Variants in EFL1 observed in about 807,000 individuals in gnomAD.
EFL1 encodes the protein elongation factor-like GTPase 1.
EFL1 carries 76 observed loss-of-function variants against 126.7 expected under a neutral mutation model. The ratio of observed to expected loss-of-function variants is 0.60; its 90% CI spans 0.50 to 0.73. The LOEUF is 0.73. Among genes scored for constraint, EFL1 ranks in the 30% least tolerant of loss-of-function variants. EFL1 has a pLI of 0.00. For missense variants in EFL1, 1,128 were observed against 1,343.2 expected, an observed-to-expected ratio of 0.84 and a Z score of 2.50; for synonymous variants, 410 against 448.4, an observed-to-expected ratio of 0.91 and a Z score of 1.08.
chr15:82,141,407 C>A (rs1024063503), intron 18 of EFL1, among the ~76,000 whole-genome samples: 1 of 152,258 alleles, frequency 6.6e-6, no homozygotes, highest in East Asian at 1.9e-4. Flanking sequence ...CGGTGGCTCA[C>A]GCCTATAATC....
Position 82,213,251 on chromosome 15 carries a change from C to G in EFL1, c.1750+1466G>C, listed in dbSNP as rs544080865. Among the ~76,000 whole-genome samples the G allele has an allele frequency of 2.6e-5, 4 of 152,322 alleles. No individual in the cohort carries two copies. The East Asian group carries it at 7.7e-4, about 29-fold the overall frequency. On this transcript the variant is annotated intron_variant, in intron 15 of 19. Coordinates refer to ENST00000268206, the MANE Select transcript of EFL1 (RefSeq NM_024580.6). ...ATTTGGTAAACAAAGATTTAGTCAC[C>G]TTCATCCTTACCCCATGTTGTGCTA...
chr15:82,189,888 G>T (rs1055681777), intron 15 of EFL1, among the ~76,000 whole-genome samples: 9 of 152,178 alleles, frequency 5.9e-5, no homozygotes, highest in African/African-American at 2.2e-4. Flanking sequence ...GGCTGAGGTG[G>T]GCAGATCACC....
intron 15 of EFL1, among the ~76,000 whole-genome samples, chr15:82,182,969 A>T (rs1325001134): frequency 6.6e-6 from 1 of 152,178 alleles, no homozygotes; most frequent in Admixed American, 6.5e-5. Flanking sequence ...CCAGCATTGG[A>T]GCTGCTCTGG....
At chr15:82,222,236 G>A (rs1296998918) in intron 12 of EFL1, among the ~76,000 whole-genome samples, 3 of 152,070 alleles carry the variant, frequency 2.0e-5, no homozygotes, top group Admixed American at 6.5e-5. Context: ...AGTAGATATC[G>A]TATTCCTATT....
chr15:82,208,315 C>T (rs767642870), intron 15 of EFL1, among the ~76,000 whole-genome samples: 39 of 152,186 alleles, frequency 2.6e-4, no homozygotes, highest in Admixed American at 6.5e-5. Context: ...ATACACATTT[C>T]TCAAGAGCAG....
intron 17 of EFL1, among the ~76,000 whole-genome samples, chr15:82,156,621 T>G (rs1340399395): frequency 1.8e-5 from 2 of 112,790 alleles, no homozygotes; most frequent in Non-Finnish European, 3.3e-5. Context: ...GTACCAGGTG[T>G]TGTTGTATAG....
At chr15:82,249,076 AAC>A (rs774675857) in intron 4 of EFL1, among the ~76,000 whole-genome samples, 23 of 152,186 alleles carry the variant, frequency 1.5e-4, no homozygotes, top group South Asian at 2.1e-4. Flanking sequence ...ACTGGTGATG[AAC>A]TGAGAGTGAT....
At chr15:82,139,535 G>C (rs922984738) in intron 18 of EFL1, among the ~76,000 whole-genome samples, 1 of 152,118 alleles carries the variant, frequency 6.6e-6, no homozygotes, top group African/African-American at 2.4e-5. Flanking sequence ...ACTCAGGAGG[G>C]AAACATCTTC....
chr15:82,138,020 T>C (rs559494247), intron 19 of EFL1, among the ~76,000 whole-genome samples: 1 of 152,308 alleles, frequency 6.6e-6, no homozygotes, highest in East Asian at 1.9e-4. Flanking sequence ...CCCTCAGCAA[T>C]GTGGATCTGT....
chr15:82,236,315 T>G (rs1469317665), intron 7 of EFL1, among the ~76,000 whole-genome samples: 1 of 152,142 alleles, frequency 6.6e-6, no homozygotes, highest in African/African-American at 2.4e-5. Context: ...ATAGGTAAGA[T>G]TACTATAAAA....
At chr15:82,260,848 C>T (rs1276199117) in intron 2 of EFL1, among the ~76,000 whole-genome samples, 1 of 152,206 alleles carries the variant, frequency 6.6e-6, no homozygotes, top group Non-Finnish European at 1.5e-5. Flanking sequence ...GGTCCTTCAT[C>T]TTCAGGATGG....
chr15:82,152,028 T>G lies in EFL1; in HGVS notation c.2426A>C (p.Gln809Pro), dbSNP rs538304453. The G allele has an allele frequency of 5.6e-6, 9 of 1,614,086 alleles. No homozygotes were observed. The highest frequency in any genetic ancestry group is 1.3e-5 in the African/African-American group (1 of 74,942). Residue 809 changes from glutamine to proline, a missense_variant, in exon 18 of 20, where the codon CAA becomes CCA. Transcript: ENST00000268206. ...KIWEFKGKLE[Q>P]HLTGRRWRNI... ...CCTCCATCTTCTCCCTGTTAGGTGT[T>G]GCTCCAGTTTTCCTTTGAATTCCCA...
chr15:82,153,451 G>A (rs2073934721), intron 17 of EFL1, among the ~76,000 whole-genome samples: 1 of 152,022 alleles, frequency 6.6e-6, no homozygotes. Flanking sequence ...ATATGCAGGT[G>A]TGTGCATTAA....
At chr15:82,182,772 C>A (rs1335677621) in intron 15 of EFL1, among the ~76,000 whole-genome samples, 2 of 151,892 alleles carry the variant, frequency 1.3e-5, no homozygotes, top group East Asian at 3.9e-4. Context: ...TTGCAGTGAA[C>A]CGAGATCGCG....
intron 15 of EFL1, among the ~76,000 whole-genome samples, chr15:82,174,674 G>C (rs1336894179): frequency 6.6e-6 from 1 of 152,124 alleles, no homozygotes; most frequent in Non-Finnish European, 1.5e-5. Context: ...GGTTAACCAA[G>C]GTTCTGAGAG....
At chr15:82,132,636 G>C (rs1388409580) in intron 19 of EFL1, among the ~76,000 whole-genome samples, 1 of 138,188 alleles carries the variant, frequency 7.2e-6, no homozygotes, top group Non-Finnish European at 1.5e-5. Flanking sequence ...AGCCCAGTTA[G>C]AGGTTGGGCA....
rs185774898 is a variant in EFL1 at position 82,216,732 on chromosome 15, G to A, written c.1612-1877C>T. Among the ~76,000 whole-genome samples the A allele has an allele frequency of 3.1e-3, 465 of 152,174 alleles. 2 individuals carry two copies. The highest frequency in any genetic ancestry group is 4.4e-3 in the Non-Finnish European group (302 of 67,960). ...ATGAAAAGTAAAATATTAAAATTTAGAAGAAAACATAAGAGAGTTTTGTGA... is the reference window on the plus strand; with the variant it reads ...ATGAAAAGTAAAATATTAAAATTTAAAAGAAAACATAAGAGAGTTTTGTGA... On this transcript the variant is annotated intron_variant, in intron 14 of 19. Coordinates refer to ENST00000268206, the MANE Select transcript of EFL1 (RefSeq NM_024580.6).
intron 18 of EFL1, among the ~76,000 whole-genome samples, 187 bp downstream of exon 18, chr15:82,151,278 C>T (rs2073903693): frequency 6.6e-6 from 1 of 152,114 alleles, no homozygotes. Flanking sequence ...GTCACAACTA[C>T]TTGAGAGGCT....
intron 17 of EFL1, among the ~76,000 whole-genome samples, chr15:82,155,371 G>T (rs895536208): frequency 2.0e-5 from 3 of 151,984 alleles, no homozygotes; most frequent in Admixed American, 6.6e-5. Flanking sequence ...GCGTGGTGGC[G>T]TGCACCTGTA....
Sources: gnomAD v4.1 joint callset for allele counts (sites outside exome capture counted in the v4.1 genomes callset) on GRCh38, gnomAD v4.1.1 for gene constraint, MANE v1.5 for transcripts, NCBI Gene and HGNC (gene_info 2026-07-23, HGNC 2026-07-21) for gene names.